Variants in MRC1 observed in about 807,000 individuals in gnomAD.
The protein encoded by MRC1 is macrophage mannose receptor 1.
Under a neutral mutation model 102.9 loss-of-function variants are expected in MRC1, and 62 were observed. That is an observed-to-expected ratio of 0.60 (90% CI 0.49 to 0.74). MRC1 has a LOEUF of 0.74. Ranked by LOEUF, MRC1 falls within the 30% of genes least tolerant of loss-of-function variation. MRC1 has a pLI of 0.00. For synonymous variants in MRC1, 457 were observed against 298.4 expected (o/e 1.53, Z -5.48); for missense variants, 1,237 against 862.8 (o/e 1.43, Z -5.43).
At chr10:17,822,192 T>A in intron 1 of MRC1, among the ~76,000 whole-genome samples, 1 of 152,336 alleles carries the variant, frequency 6.6e-6, no homozygotes, top group Middle Eastern at 3.4e-3. Context: ...ATATAAAAAA[T>A]GTTATTTTTA....
chr10:17,839,722 T>G (rs1263607318), intron 4 of MRC1, among the ~76,000 whole-genome samples: 2 of 152,032 alleles, frequency 1.3e-5, no homozygotes, highest in Non-Finnish European at 2.9e-5. Context: ...TTTTGATCAA[T>G]TAAAATAACT....
chr10:17,866,800 T>A, intron 12 of MRC1, 39 bp downstream of exon 12: 2 of 780,584 alleles, frequency 2.6e-6, no homozygotes, highest in Non-Finnish European at 4.8e-6. Context: ...GAATCTGGAG[T>A]ATGCTTCAGC....
rs957739545 is a variant in MRC1, at chr10:17,894,000, G to A, written c.3148-210G>A. On this transcript the variant is annotated intron_variant, in intron 22 of 29. Coordinates refer to ENST00000569591, the MANE Select transcript of MRC1 (RefSeq NM_002438.4). ...ATTTATCCAAATCGGTTGGGTTTTC[G>A]ATTCATATAGTGAGAGTTCAAATGT... 1.4e-4 allele frequency among the ~76,000 whole-genome samples: 21 copies of A among 152,262 alleles called. No homozygotes were observed. The East Asian group carries it at 3.5e-3, about 25-fold the overall frequency.
intron 26 of MRC1, among the ~76,000 whole-genome samples, chr10:17,902,558 A>AT (rs1833842877): frequency 2.0e-5 from 3 of 152,136 alleles, no homozygotes; most frequent in Non-Finnish European, 2.9e-5. Context: ...AAGATGAATG[A>AT]TTTTTCCACC....
In MRC1 at chr10:17,870,885, T is replaced by C; in HGVS notation, c.2149T>C (p.Leu717=). 2.3e-6 allele frequency: 2 copies of C among 872,496 alleles called. No individual in the cohort carries two copies. The highest frequency in any genetic ancestry group is 2.0e-6 in the Non-Finnish European group (1 of 501,276). The allele number at this position is 872,496 out of a possible 1,614,324, so 54.0% of individuals were successfully genotyped here. The change falls in exon 14 of 30, where the codon TTG becomes CTG. Residue 717 remains leucine (L), a synonymous_variant. Coordinates refer to ENST00000569591, the MANE Select transcript of MRC1 (RefSeq NM_002438.4). Reference sequence around the variant, plus strand: ...CTACCACAAACTGTTTTGGTTGGGATTGACATATGGAAGCCCTTCAGAAGG... The same window carrying C: ...CTACCACAAACTGTTTTGGTTGGGACTGACATATGGAAGCCCTTCAGAAGG... ...GSYHKLFWLG[L]TYGSPSEGFT... is the part of the protein sequence containing the mutation.
intron 22 of MRC1, among the ~76,000 whole-genome samples, chr10:17,890,809 T>G (rs1416017894): frequency 6.6e-6 from 1 of 152,160 alleles, no homozygotes; most frequent in Non-Finnish European, 1.5e-5. Flanking sequence ...CATGGCCTGT[T>G]AGGAACTGAG....
chr10:17,812,778 G>A (rs1191045567), intron 1 of MRC1, among the ~76,000 whole-genome samples: 3 of 151,982 alleles, frequency 2.0e-5, no homozygotes, highest in African/African-American at 4.8e-5. Context: ...TCACCATGTT[G>A]GCCAGGCTGG....
chr10:17,850,660 A>G (rs1334599601), intron 7 of MRC1, among the ~76,000 whole-genome samples: 1 of 152,128 alleles, frequency 6.6e-6, no homozygotes, highest in Non-Finnish European at 1.5e-5. Context: ...GAGGCTGCTG[A>G]ATAGCTGCAG....
chr10:17,847,748 C>T (rs1432442166), intron 6 of MRC1, among the ~76,000 whole-genome samples: 1 of 152,212 alleles, frequency 6.6e-6, no homozygotes, highest in Non-Finnish European at 1.5e-5. Context: ...GGGAACTCCC[C>T]TTCATTTCAC....
chr10:17,886,309 TTC>T (rs1833592818), intron 22 of MRC1, among the ~76,000 whole-genome samples: 9 of 150,456 alleles, frequency 6.0e-5, no homozygotes, highest in African/African-American at 2.2e-4. Flanking sequence ...CCTTCCTTCC[TTC>T]CTTCCCTCCT....
intron 1 of MRC1, among the ~76,000 whole-genome samples, chr10:17,814,856 G>GTTCCACC: frequency 6.6e-6 from 1 of 151,704 alleles, no homozygotes; most frequent in Non-Finnish European, 1.5e-5. Flanking sequence ...GTAGAGACGG[G>GTTCCACC]ATTTGGTCAT....
At chr10:17,883,186 G>C (rs1456790103) in intron 21 of MRC1, among the ~76,000 whole-genome samples, 2 of 152,160 alleles carry the variant, frequency 1.3e-5, no homozygotes, top group Admixed American at 6.5e-5. Flanking sequence ...GGAGAGCATT[G>C]ATGTGATTAT....
In MRC1 at chr10:17,875,072, T is replaced by C. The variant is rs1259275715; in HGVS notation, c.2387-18T>C. 16 of 780,704 alleles carry C rather than the reference T, an allele frequency of 2.0e-5. No homozygotes were observed. The highest frequency in any genetic ancestry group is 3.6e-5 in the Non-Finnish European group (15 of 417,918). 48.4% of individuals were successfully genotyped at this position (780,704 alleles called of 1,614,324 possible). The stretch of plus-strand genomic sequence containing the variant: ...TTGTCTGCATAAAACTCATTGCCTT[T>C]TCTCATTAACTTTTCAGATCCACCA... On this transcript the variant is annotated intron_variant, in intron 16 of 29. Transcript: ENST00000569591.
intron 6 of MRC1, among the ~76,000 whole-genome samples, chr10:17,848,345 C>T (rs1213608099): frequency 4.6e-5 from 7 of 152,176 alleles, no homozygotes; most frequent in Non-Finnish European, 1.0e-4. Flanking sequence ...ACTATAACTT[C>T]AATTCTTTTT....
At chr10:17,810,242 G>A (rs1464451920) in intron 1 of MRC1, among the ~76,000 whole-genome samples, 1 of 152,062 alleles carries the variant, frequency 6.6e-6, no homozygotes, top group Non-Finnish European at 1.5e-5. Flanking sequence ...ATACTCAGTT[G>A]CTTAAACTTC....
chr10:17,901,797 G>A (rs1202908100), intron 25 of MRC1, among the ~76,000 whole-genome samples, 176 bp from the exon 26 acceptor site: 1 of 152,088 alleles, frequency 6.6e-6, no homozygotes, highest in Non-Finnish European at 1.5e-5. Context: ...TATATTTAAA[G>A]TGGAAAACAT....
chr10:17,844,824 T>C (rs1838801381), intron 5 of MRC1, among the ~76,000 whole-genome samples: 1 of 152,212 alleles, frequency 6.6e-6, no homozygotes, highest in Non-Finnish European at 1.5e-5. Context: ...AGTGAGAACA[T>C]GGCTATTTGG....
In MRC1 at chr10:17,870,891, T is replaced by A; in HGVS notation, c.2155T>A (p.Tyr719Asn). 1 of 872,474 alleles carries A rather than the reference T, an allele frequency of 1.1e-6. No homozygotes were observed. Among genetic ancestry groups the A allele is most frequent in the Non-Finnish European group, 2.0e-6 (1 of 501,258 alleles). 54.0% of individuals were successfully genotyped at this position (872,474 alleles called of 1,614,324 possible). Residue 719 changes from tyrosine to asparagine, a missense_variant, in exon 14 of 30, where the codon TAT becomes AAT. Tyr to Asn is a moderately radical substitution (Grantham distance 143, BLOSUM62 -2). Coordinates refer to ENST00000569591, the MANE Select transcript of MRC1 (RefSeq NM_002438.4). ...CAAACTGTTTTGGTTGGGATTGACA[T>A]ATGGAAGCCCTTCAGAAGGTTTTAC... ...YHKLFWLGLT[Y>N]GSPSEGFTWS...
chr10:17,868,089 A>G (rs1833302876), intron 12 of MRC1, among the ~76,000 whole-genome samples: 1 of 152,182 alleles, frequency 6.6e-6, no homozygotes. Context: ...ATAACAAACA[A>G]AAACCCCAAT....
Sources: gnomAD v4.1 joint callset for allele counts (sites outside exome capture counted in the v4.1 genomes callset) on GRCh38, gnomAD v4.1.1 for gene constraint, MANE v1.5 for transcripts, NCBI Gene and HGNC (gene_info 2026-07-23, HGNC 2026-07-21) for gene names.